The following CSNK1D variants were observed in gnomAD, a reference collection of about 807,000 sequenced individuals.
The protein encoded by CSNK1D is casein kinase 1 delta, also known as casein kinase I isoform delta.
Under a neutral mutation model 46.6 loss-of-function variants are expected in CSNK1D, and 16 were observed. The observed-to-expected ratio is 0.34, with a 90% CI of 0.23 to 0.52. The LOEUF (loss-of-function observed/expected upper bound fraction) is 0.52, where lower values mean the gene tolerates loss of function less well. Ranked by LOEUF, CSNK1D falls within the 20% of genes least tolerant of loss-of-function variation. The probability of loss-of-function intolerance (pLI) is 0.95; values close to 1 mark genes in which losing one functional copy is unlikely to be tolerated. For missense variants in CSNK1D, 398 were observed against 578.4 expected, an observed-to-expected ratio of 0.69 and a Z score of 3.20; for synonymous variants, 276 against 228.2, an observed-to-expected ratio of 1.21 and a Z score of -1.89.
At chr17:82,258,230 G>A (rs2051231794) in intron 2 of CSNK1D, among the ~76,000 whole-genome samples, 1 of 148,684 alleles carries the variant, frequency 6.7e-6, no homozygotes. Flanking sequence ...AAAAGTTAAA[G>A]GCATGAGGCA....
intron 3 of CSNK1D, chr17:82,254,425 G>A (rs1935930266): frequency 2.7e-5 from 7 of 262,092 alleles, no homozygotes; most frequent in East Asian, 1.9e-4. Context: ...CTGAGCCGCC[G>A]GAGCCTCGAG....
downstream of CSNK1D, among the ~76,000 whole-genome samples, chr17:82,240,869 G>A (rs2050733092): frequency 6.6e-6 from 1 of 152,154 alleles, no homozygotes; most frequent in South Asian, 2.1e-4. Context: ...TCCTCCCTCA[G>A]CTGGTGCCTT....
chr17:82,258,660 A>G (rs1410457228), intron 2 of CSNK1D, among the ~76,000 whole-genome samples: 18 of 152,324 alleles, frequency 1.2e-4, no homozygotes. Context: ...TTTAGGCAAC[A>G]GATCACCTTT....
At chr17:82,265,981 C>T (rs2051458205) in intron 1 of CSNK1D, among the ~76,000 whole-genome samples, 185 bp from the exon 2 acceptor site, 1 of 152,170 alleles carries the variant, frequency 6.6e-6, no homozygotes, top group African/African-American at 2.4e-5. Context: ...ATCCATATTC[C>T]CATTTTCACA....
At chr17:82,242,320 C>T (rs2050752241), downstream of CSNK1D, among the ~76,000 whole-genome samples, 1 of 152,200 alleles carries the variant, frequency 6.6e-6, no homozygotes, top group African/African-American at 2.4e-5. Context: ...AGCACCACGG[C>T]CCTATGGCAG....
chr17:82,257,514 A>T (rs924308640), intron 2 of CSNK1D, among the ~76,000 whole-genome samples: 3 of 152,206 alleles, frequency 2.0e-5, no homozygotes, highest in Non-Finnish European at 2.9e-5. Context: ...TCACACCTTA[A>T]GTAACTAAGG....
intron 2 of CSNK1D, among the ~76,000 whole-genome samples, chr17:82,260,168 T>TGTGACTGATGGTGTACTGAGTG (rs1470536507): frequency 6.6e-6 from 1 of 151,068 alleles, no homozygotes; most frequent in Non-Finnish European, 1.5e-5. Context: ...TACTGACTGA[T>TGTGACTGATGGTGTACTGAGTG]GTGACTGATG....
intron 2 of CSNK1D, among the ~76,000 whole-genome samples, chr17:82,264,992 G>A (rs756482150): frequency 6.6e-6 from 1 of 151,664 alleles, no homozygotes; most frequent in Admixed American, 6.6e-5. Flanking sequence ...GTAGAGACGG[G>A]GTTTCACTGT....
chr17:82,248,921 G>C lies in CSNK1D; in HGVS notation c.1151C>G (p.Ser384Cys), dbSNP rs1337870264. 3 of 1,609,094 alleles carry C rather than the reference G, an allele frequency of 1.9e-6. No individual in the cohort carries two copies. The highest frequency in any genetic ancestry group is 2.5e-6 in the Non-Finnish European group (3 of 1,177,428). Reference sequence around the variant, plus strand: ...GGTATCTTGTCGGCCTGTGAGGTCGGACGAGGAGATGTTGACGGGGGCCCC... The same window carrying C: ...GGTATCTTGTCGGCCTGTGAGGTCGCACGAGGAGATGTTGACGGGGGCCCC... Reference protein sequence around the residue: ...HRGAPVNISSSDLTGRQDTSR... With the variant: ...HRGAPVNISSCDLTGRQDTSR... The change falls in exon 8 of 9, where the codon TCC becomes TGC. Residue 384 changes from serine (S) to cysteine (C), a missense_variant. Transcript: ENST00000314028. The surrounding 1 kb of genome is among the most constrained non-coding windows in gnomAD (Gnocchi z 4.1).
chr17:82,247,002 A>C, intron 8 of CSNK1D: 5 of 985,466 alleles, frequency 5.1e-6, no homozygotes, highest in Non-Finnish European at 4.8e-6. Context: ...GGCAGGAAGG[A>C]CACACGGCCA....
chr17:82,251,210 G>T lies in CSNK1D; in HGVS notation c.885+169C>A. ...TCTTACTTCTTGGCACCCCTTTCTG[G>T]CAGGCAGACACCCACTCAGTCCAGG... is the stretch of plus-strand genomic sequence containing the variant. On this transcript the variant is annotated intron_variant, in intron 6 of 8. Transcript: ENST00000314028. This position sits in a 1 kb window ranked among gnomAD's most constrained non-coding sequence, Gnocchi z 4.5. The T allele has an allele frequency of 1.3e-6, 1 of 741,592 alleles. No individual in the cohort carries two copies. The highest frequency in any genetic ancestry group is 2.2e-6 in the Non-Finnish European group (1 of 445,476). 45.9% of individuals were successfully genotyped at this position (741,592 alleles called of 1,614,324 possible).
intron 1 of CSNK1D, among the ~76,000 whole-genome samples, chr17:82,267,545 C>T (rs748030691): frequency 3.3e-5 from 5 of 152,182 alleles, no homozygotes; most frequent in Admixed American, 1.3e-4. Context: ...GATTTAAGAA[C>T]GTCACTTACT....
In CSNK1D at chr17:82,242,892, G is replaced by A; in HGVS notation, c.*1889C>T. ...AGGCTCGGGCTGGAACCCGGGCGCA[G>A]AGCTGCCTCGCACAAACGTTCTGGG... On this transcript the variant is annotated 3_prime_UTR_variant, in exon 9 of 9. Coordinates refer to ENST00000314028, the MANE Select transcript of CSNK1D (RefSeq NM_001893.6). 1 of 985,450 alleles carries A rather than the reference G, an allele frequency of 1.0e-6. No homozygotes were observed. Among genetic ancestry groups the A allele is most frequent in the Non-Finnish European group, 1.2e-6 (1 of 829,938 alleles). The allele number at this position is 985,450 out of a possible 1,614,324, so 61.0% of individuals were successfully genotyped here. A position where few individuals can be genotyped will look rare whatever the true frequency, so the allele number is the denominator to read the frequency against.
rs891930252 is a variant in CSNK1D, at chr17:82,249,045, G to A, written c.1058-31C>T. 2.1e-5 allele frequency: 33 copies of A among 1,546,170 alleles called. No individual in the cohort carries two copies. The highest frequency in any genetic ancestry group is 7.8e-5 in the Admixed American group (4 of 50,966). ...GACAGGGAGAGAAACGGAGTGGGCC[G>A]CCCCCGTCTGCTGCCTCTCACTCGG... is the stretch of plus-strand genomic sequence containing the variant. On this transcript the variant is annotated intron_variant, in intron 7 of 8. Transcript: ENST00000314028. The surrounding 1 kb of genome is among the most constrained non-coding windows in gnomAD (Gnocchi z 6.7).
At chr17:82,271,030 G>GT (rs1156481321) in intron 1 of CSNK1D, among the ~76,000 whole-genome samples, 4 of 152,206 alleles carry the variant, frequency 2.6e-5, no homozygotes, top group Non-Finnish European at 5.9e-5. Flanking sequence ...GCACAAAGTT[G>GT]TTTGACAAGG....
intron 8 of CSNK1D, 183 bp from the exon 9 acceptor site, chr17:82,245,014 G>A (rs956247583): frequency 8.2e-6 from 6 of 734,178 alleles, no homozygotes; most frequent in Admixed American, 4.6e-5. Flanking sequence ...TCAGCAGAAC[G>A]AGTGACAGGA....
intron 8 of CSNK1D, chr17:82,246,566 C>T: frequency 1.3e-5 from 13 of 1,036,224 alleles, no homozygotes; most frequent in Non-Finnish European, 1.5e-5. Flanking sequence ...CCAAAGAGCC[C>T]TGGCCGAACA....
chr17:82,272,733 C>G (rs917135933), intron 1 of CSNK1D, among the ~76,000 whole-genome samples: 1 of 152,236 alleles, frequency 6.6e-6, no homozygotes, highest in African/African-American at 2.4e-5. Flanking sequence ...ACATTTTCCC[C>G]CACGAATGCA....
In CSNK1D at chr17:82,243,155, G is replaced by C. The variant is rs2050769735; in HGVS notation, c.*1626C>G. Reference sequence around the variant, plus strand: ...CAGTAACCAGCCTAGGATTGAGAAAGCATCCATGGGCTCAGGCAGACGGCC... The same window carrying C: ...CAGTAACCAGCCTAGGATTGAGAAACCATCCATGGGCTCAGGCAGACGGCC... On this transcript the variant is annotated 3_prime_UTR_variant, in exon 9 of 9. Coordinates refer to ENST00000314028, the MANE Select transcript of CSNK1D (RefSeq NM_001893.6). 4.1e-6 allele frequency: 4 copies of C among 985,562 alleles called. No homozygotes were observed. The highest frequency in any genetic ancestry group is 4.8e-6 in the Non-Finnish European group (4 of 830,016). The allele number at this position is 985,562 out of a possible 1,614,324, so 61.1% of individuals were successfully genotyped here.
Sources: allele counts gnomAD v4.1 joint callset (sites outside exome capture counted in the v4.1 genomes callset), GRCh38; gene constraint gnomAD v4.1.1; non-coding constraint Gnocchi (gnomAD v3.1); transcripts MANE v1.5; gene names NCBI Gene and HGNC (gene_info 2026-07-23, HGNC 2026-07-21).